Variants in ADAMTS12 observed in about 807,000 individuals in gnomAD.
The protein encoded by ADAMTS12 is A disintegrin and metalloproteinase with thrombospondin motifs 12.
Under a neutral mutation model 167.8 loss-of-function variants are expected in ADAMTS12, and 118 were observed. The ratio of observed to expected loss-of-function variants is 0.70; its 90% CI spans 0.61 to 0.82. The LOEUF (loss-of-function observed/expected upper bound fraction) is 0.82, where lower values mean the gene tolerates loss of function less well. Ranked by LOEUF, ADAMTS12 falls within the 40% of genes least tolerant of loss-of-function variation. The pLI, the probability that ADAMTS12 is intolerant of heterozygous loss-of-function variation, is 0.00. For missense variants in ADAMTS12, 1,916 were observed against 1,998.8 expected (o/e 0.96, Z 0.79); for synonymous variants, 704 against 716.9 (o/e 0.98, Z 0.29).
chr5:33,761,834 A>G (rs1196027463), intron 2 of ADAMTS12, among the ~76,000 whole-genome samples: 2 of 152,210 alleles, frequency 1.3e-5, no homozygotes. Context: ...AGGCTTTCAC[A>G]TCCTTGAAGA....
intron 5 of ADAMTS12, among the ~76,000 whole-genome samples, chr5:33,666,504 T>C (rs1022827580): frequency 1.9e-5 from 2 of 105,738 alleles, no homozygotes; most frequent in South Asian, 3.1e-4. Context: ...GGTCTTTTTT[T>C]TTCTATTGAG....
Position 33,561,150 on chromosome 5 carries a change from G to GT in ADAMTS12, c.4001dup (p.Tyr1334Ter). The change falls in exon 20 of 24, where the codon TAC (tyrosine) becomes TAAC (stop). Residue 1334 changes from tyrosine (Y) to a stop codon, truncating the protein, a stop_gained and frameshift_variant. Coordinates refer to ENST00000504830, the MANE Select transcript of ADAMTS12 (RefSeq NM_030955.4). LOFTEE classifies it high-confidence loss of function. ...GGGTGCTGCACTCCACCCTTCTCCA[G>GT]TAGGCCCCCAGGCCACATGTGGTGG... ...ECSTTCGLGAYWRRVECSTQM... is the reference protein window; with the variant it reads ...ECSTTCGLGA 6.2e-7 allele frequency: 1 copy of GT among 1,614,102 alleles called. No individual in the cohort carries two copies. The highest frequency in any genetic ancestry group is 8.5e-7 in the Non-Finnish European group (1 of 1,180,016).
chr5:33,728,351 A>T (rs1410674102), intron 3 of ADAMTS12, among the ~76,000 whole-genome samples: 1 of 152,162 alleles, frequency 6.6e-6, no homozygotes, highest in Admixed American at 6.5e-5. Context: ...TCTGAGCAAA[A>T]CCTGGAGGAG....
chr5:33,823,147 C>T (rs1747925829), intron 2 of ADAMTS12, among the ~76,000 whole-genome samples: 1 of 151,852 alleles, frequency 6.6e-6, no homozygotes, highest in East Asian at 1.9e-4. Context: ...ACAAAGCCCT[C>T]CTTTGGACTG....
intron 13 of ADAMTS12, among the ~76,000 whole-genome samples, chr5:33,626,051 T>C (rs1739571935): frequency 6.6e-6 from 1 of 152,212 alleles, no homozygotes; most frequent in African/African-American, 2.4e-5. Flanking sequence ...AGCATGGCCC[T>C]TTTCTGATGT....
chr5:33,856,979 C>T (rs1327918076), intron 2 of ADAMTS12, among the ~76,000 whole-genome samples: 1 of 152,070 alleles, frequency 6.6e-6, no homozygotes, highest in Non-Finnish European at 1.5e-5. Flanking sequence ...TCCACAATAG[C>T]CAAGATATGG....
At chr5:33,658,402 C>T (rs928478095) in intron 6 of ADAMTS12, 69 bp from the exon 7 acceptor site, 4 of 1,584,412 alleles carry the variant, frequency 2.5e-6, no homozygotes, top group Non-Finnish European at 3.4e-6. Flanking sequence ...GGAAAAAAAT[C>T]TGGGTATAAA....
rs1405852624 is a variant in ADAMTS12 at position 33,658,312 on chromosome 5, G to T, written c.1062C>A (p.Phe354Leu). The T allele has an allele frequency of 6.2e-7, 1 of 1,613,500 alleles. No homozygotes were observed. Among genetic ancestry groups the T allele is most frequent in the Non-Finnish European group, 8.5e-7 (1 of 1,179,644 alleles). The change falls in exon 7 of 24, where the codon TTC becomes TTA. Residue 354 changes from phenylalanine (F) to leucine (L), a missense_variant. Transcript: ENST00000504830. ...LLTRKDICAG[F>L]NRPCETLGLS... is the part of the protein sequence containing the mutation. ...GGCCCAGGGTCTCGCAGGGGCGATT[G>T]AAACCAGCACAGATGTCCTTTCTGA...
chr5:33,577,671 G>A (rs1479155801), intron 18 of ADAMTS12, among the ~76,000 whole-genome samples: 1 of 152,066 alleles, frequency 6.6e-6, no homozygotes, highest in Non-Finnish European at 1.5e-5. Context: ...ATTTTCACTT[G>A]CCTATGGCAG....
intron 9 of ADAMTS12, among the ~76,000 whole-genome samples, chr5:33,644,875 C>T (rs1337830730): frequency 1.3e-5 from 2 of 152,032 alleles, no homozygotes; most frequent in African/African-American, 4.8e-5. Context: ...GGACTGCAGA[C>T]ACCCGCCTCC....
chr5:33,750,022 A>G (rs1403866866), intron 3 of ADAMTS12, among the ~76,000 whole-genome samples: 2 of 152,210 alleles, frequency 1.3e-5, no homozygotes, highest in East Asian at 3.9e-4. Context: ...TAAAAGGTAT[A>G]AAATCACAAA....
Position 33,616,022 on chromosome 5 carries a change from T to C in ADAMTS12, c.2194A>G (p.Met732Val). 6.2e-7 allele frequency: 1 copy of C among 1,614,172 alleles called. No homozygotes were observed. Among genetic ancestry groups the C allele is most frequent in the African/African-American group, 1.3e-5 (1 of 75,058 alleles). The change falls in exon 15 of 24, where the codon ATG becomes GTG. Residue 732 changes from methionine (M) to valine (V), a missense_variant. Physicochemically the swap from Met to Val is conservative, Grantham distance 21 (BLOSUM62 1). Transcript: ENST00000504830. Reference sequence around the variant, plus strand: ...AAGTTTCCAGCTCCCTCAATTTCCATCACTCTTATGTCCCTTGCTCCTTTT... The same window carrying C: ...AAGTTTCCAGCTCCCTCAATTTCCACCACTCTTATGTCCCTTGCTCCTTTT... Reference protein sequence around the residue: ...IPKGARDIRVMEIEGAGNFLA... With the variant: ...IPKGARDIRVVEIEGAGNFLA...
chr5:33,721,982 C>T (rs1308782090), intron 3 of ADAMTS12, among the ~76,000 whole-genome samples: 2 of 152,176 alleles, frequency 1.3e-5, no homozygotes, highest in East Asian at 1.9e-4. Context: ...TATGTGAGGA[C>T]GTTTCCTTTC....
chr5:33,808,745 G>A (rs983083465), intron 2 of ADAMTS12, among the ~76,000 whole-genome samples: 1 of 152,156 alleles, frequency 6.6e-6, no homozygotes, highest in East Asian at 1.9e-4. Flanking sequence ...AAAAAAGCTT[G>A]GAAACCACTG....
At chr5:33,764,683 C>A (rs1480547057) in intron 2 of ADAMTS12, among the ~76,000 whole-genome samples, 1 of 152,112 alleles carries the variant, frequency 6.6e-6, no homozygotes, top group Non-Finnish European at 1.5e-5. Flanking sequence ...AGGCCTTAAC[C>A]AAAAGATCTA....
At chr5:33,779,213 T>A (rs1038307993) in intron 2 of ADAMTS12, among the ~76,000 whole-genome samples, 2 of 141,720 alleles carry the variant, frequency 1.4e-5, no homozygotes, top group African/African-American at 5.1e-5. Context: ...TGAGACGAAG[T>A]CTTGCTTTGT....
intron 3 of ADAMTS12, among the ~76,000 whole-genome samples, chr5:33,710,995 ATG>A (rs1326753796): frequency 6.6e-6 from 1 of 152,176 alleles, no homozygotes; most frequent in Non-Finnish European, 1.5e-5. Context: ...ATCTTGAGGG[ATG>A]GCAAAAATAA....
At chr5:33,866,945 T>A (rs965923897) in intron 2 of ADAMTS12, among the ~76,000 whole-genome samples, 1 of 151,724 alleles carries the variant, frequency 6.6e-6, no homozygotes, top group African/African-American at 2.4e-5. Context: ...AAAAAATAAA[T>A]AAATAAATGT....
rs143167805 is a variant in ADAMTS12 at position 33,881,194 on chromosome 5, G to A, written c.414C>T (p.Leu138=). ...GTAGAACCGTGCCACTGAGATGGCAGAGGGGGGCAGAGGAAGCCATCATCT... is the reference window on the plus strand; with the variant it reads ...GTAGAACCGTGCCACTGAGATGGCAAAGGGGGGCAGAGGAAGCCATCATCT... ...HVKMMASSAP[L]CHLSGTVLQQ... Residue 138 remains leucine (L), a synonymous_variant, in exon 2 of 24, where the codon CTC becomes CTT. Coordinates refer to ENST00000504830, the MANE Select transcript of ADAMTS12 (RefSeq NM_030955.4). 6.9e-4 allele frequency: 1,118 copies of A among 1,614,208 alleles called. 9 individuals are homozygous for A. The African/African-American group carries it at 0.013, about 19-fold the overall frequency.
Sources: gnomAD v4.1 joint callset for allele counts (sites outside exome capture counted in the v4.1 genomes callset) on GRCh38, gnomAD v4.1.1 for gene constraint, MANE v1.5 for transcripts, NCBI Gene and HGNC (gene_info 2026-07-23, HGNC 2026-07-21) for gene names.